Variants in SPAG17 observed in about 807,000 individuals in gnomAD.
The protein encoded by SPAG17 is sperm-associated antigen 17.
SPAG17 carries 169 observed loss-of-function variants against 273.6 expected under a neutral mutation model. The observed-to-expected ratio is 0.62, with a 90% CI of 0.55 to 0.70. The LOEUF is 0.70. Ranked by LOEUF, SPAG17 falls within the 30% of genes least tolerant of loss-of-function variation. The pLI, the probability that SPAG17 is intolerant of heterozygous loss-of-function variation, is 0.00. For synonymous variants in SPAG17, 825 were observed against 873.2 expected (o/e 0.94, Z 0.97); for missense variants, 2,557 against 2,627.8 (o/e 0.97, Z 0.59).
chr1:117,991,755 T>G (rs1227933121), intron 36 of SPAG17, among the ~76,000 whole-genome samples: 2 of 152,160 alleles, frequency 1.3e-5, no homozygotes, highest in Admixed American at 6.5e-5. Context: ...AGGATAGAAC[T>G]GCATGGGGGC....
At position 118,122,533 on chromosome 1, in the gene SPAG17, G is replaced by A. The variant is rs75225209; in HGVS notation, c.316-7092C>T. Among the ~76,000 whole-genome samples the A allele has an allele frequency of 1.2e-3, 181 of 152,240 alleles. 5 individuals carry two copies. In the East Asian group the frequency reaches 0.031, roughly 26 times the overall value. ...TGGCACTATTGACATTTTGAGCCAG[G>A]TAATTACCATAGGAGGTTTTTCTGT... is the stretch of plus-strand genomic sequence containing the variant. On this transcript the variant is annotated intron_variant, in intron 3 of 48. Coordinates refer to ENST00000336338, the MANE Select transcript of SPAG17 (RefSeq NM_206996.4).
intron 3 of SPAG17, among the ~76,000 whole-genome samples, chr1:118,140,694 A>G (rs772609559): frequency 2.6e-5 from 4 of 152,134 alleles, no homozygotes; most frequent in African/African-American, 9.7e-5. Context: ...GGATACCCCC[A>G]GTGGCCTCCT....
intron 32 of SPAG17, 117 bp from the exon 33 acceptor site, chr1:117,996,860 G>A (rs1169966770): frequency 4.7e-6 from 5 of 1,056,876 alleles, no homozygotes; most frequent in Non-Finnish European, 6.7e-6. Context: ...AATTGGAGAT[G>A]TTTATTTGCA....
At chr1:118,114,296 C>T (rs1429223429) in intron 4 of SPAG17, among the ~76,000 whole-genome samples, 2 of 152,098 alleles carry the variant, frequency 1.3e-5, no homozygotes, top group Non-Finnish European at 2.9e-5. Context: ...ATGTACCACA[C>T]TAATAACATG....
chr1:118,101,895 T>G lies in SPAG17; in HGVS notation c.479A>C (p.Asp160Ala). ...VIEDKPKLEK[D>A]KGKAKSPKEK... Reference sequence around the variant, plus strand: ...CTTGGGAGATTTTGCTTTCCCTTTATCCTTTTCTAACTTAGGTTTGTCTTC... The same window carrying G: ...CTTGGGAGATTTTGCTTTCCCTTTAGCCTTTTCTAACTTAGGTTTGTCTTC... The change falls in exon 5 of 49, where the codon GAT becomes GCT. Residue 160 changes from aspartate to alanine, a missense_variant. By Grantham distance (126) the Asp-to-Ala change is moderately radical (BLOSUM62 -2). Coordinates refer to ENST00000336338, the MANE Select transcript of SPAG17 (RefSeq NM_206996.4). 6.2e-7 allele frequency: 1 copy of G among 1,613,498 alleles called. No individual in the cohort carries two copies. The highest frequency in any genetic ancestry group is 8.5e-7 in the Non-Finnish European group (1 of 1,179,864).
intron 3 of SPAG17, among the ~76,000 whole-genome samples, chr1:118,116,959 C>T (rs1570722784): frequency 6.6e-6 from 1 of 152,150 alleles, no homozygotes. Context: ...CAGAACCTCA[C>T]CATTTAATGA....
intron 28 of SPAG17, among the ~76,000 whole-genome samples, chr1:118,019,653 A>G (rs1185561480): frequency 6.6e-6 from 1 of 152,216 alleles, no homozygotes; most frequent in Non-Finnish European, 1.5e-5. Flanking sequence ...TTGATAAATG[A>G]AAAGAAATCC....
intron 10 of SPAG17, chr1:118,087,216 A>G (rs1444416761): frequency 2.6e-6 from 1 of 389,034 alleles, no homozygotes; most frequent in African/African-American, 2.1e-5. Flanking sequence ...GTAGATATAA[A>G]TTTAATATTT....
At chr1:118,047,173 T>G (rs191626070) in intron 20 of SPAG17, among the ~76,000 whole-genome samples, 95 of 152,236 alleles carry the variant, frequency 6.2e-4, no homozygotes, top group African/African-American at 2.3e-3. Flanking sequence ...ATGCTGATCT[T>G]GTCTACACCT....
At chr1:118,161,947 G>A (rs1659947706) in intron 1 of SPAG17, among the ~76,000 whole-genome samples, 1 of 152,176 alleles carries the variant, frequency 6.6e-6, no homozygotes, top group Non-Finnish European at 1.5e-5. Flanking sequence ...CAATTAGAAG[G>A]TCACTGCTGA....
intron 4 of SPAG17, among the ~76,000 whole-genome samples, chr1:118,106,742 A>T (rs922037169): frequency 1.8e-4 from 28 of 152,254 alleles, no homozygotes; most frequent in African/African-American, 6.5e-4. Flanking sequence ...AAGAATAAAC[A>T]TTAATTCATT....
At chr1:118,181,559 A>G (rs1191679003) in intron 1 of SPAG17, among the ~76,000 whole-genome samples, 1 of 152,156 alleles carries the variant, frequency 6.6e-6, no homozygotes, top group Non-Finnish European at 1.5e-5. Flanking sequence ...CAAGAGACAA[A>G]GAATAAAGAC....
intron 31 of SPAG17, among the ~76,000 whole-genome samples, chr1:118,006,206 G>A (rs1378531763): frequency 2.6e-5 from 4 of 152,116 alleles, no homozygotes; most frequent in South Asian, 2.1e-4. Context: ...CACTAATTCC[G>A]TAACACTTTT....
Position 118,005,407 on chromosome 1 carries a change from A to G in SPAG17, c.4776+7T>C. On this transcript the variant is annotated splice_region_variant and intron_variant, in intron 32 of 48. Transcript: ENST00000336338. Reference sequence around the variant, plus strand: ...GGCTCTCTCTCCATACCAAAGGTGCACTTTACCTGAAAAGTGTTTCCCTCA... The same window carrying G: ...GGCTCTCTCTCCATACCAAAGGTGCGCTTTACCTGAAAAGTGTTTCCCTCA... 6.3e-7 allele frequency: 1 copy of G among 1,599,434 alleles called. No individual in the cohort carries two copies. Among genetic ancestry groups the G allele is most frequent in the Non-Finnish European group, 8.5e-7 (1 of 1,173,372 alleles).
At chr1:118,162,714 T>C (rs1490014779) in intron 1 of SPAG17, among the ~76,000 whole-genome samples, 1 of 151,704 alleles carries the variant, frequency 6.6e-6, no homozygotes, top group Non-Finnish European at 1.5e-5. Context: ...TTGAATAACA[T>C]GGAGCCCAAA....
intron 3 of SPAG17, among the ~76,000 whole-genome samples, chr1:118,119,501 C>T (rs1657292824): frequency 6.6e-6 from 1 of 152,172 alleles, no homozygotes; most frequent in African/African-American, 2.4e-5. Context: ...CTAAAAGAAT[C>T]CTTTGGCTTC....
chr1:118,174,297 A>G (rs1479274648), intron 1 of SPAG17, among the ~76,000 whole-genome samples: 1 of 152,208 alleles, frequency 6.6e-6, no homozygotes, highest in Non-Finnish European at 1.5e-5. Flanking sequence ...GGGACCAAAC[A>G]GAAATTCATG....
chr1:118,099,907 T>C lies in SPAG17; in HGVS notation c.635-107A>G, dbSNP rs759216472. On this transcript the variant is annotated intron_variant, in intron 5 of 48. Coordinates refer to ENST00000336338, the MANE Select transcript of SPAG17 (RefSeq NM_206996.4). ...ATTATGCATGCATTTATAATCCCTC[T>C]GGCTTGCCAAAAATGATCCAGTTGG... is the stretch of plus-strand genomic sequence containing the variant. The C allele has an allele frequency of 2.3e-3, 2,189 of 936,852 alleles. 7 individuals carry two copies. Among genetic ancestry groups the C allele is most frequent in the Non-Finnish European group, 2.9e-3 (1,839 of 644,202 alleles). 58.0% of individuals were successfully genotyped at this position (936,852 alleles called of 1,614,324 possible). A position where few individuals can be genotyped will look rare whatever the true frequency, so the allele number is the denominator to read the frequency against.
chr1:118,074,081 T>C (rs1274250069), intron 16 of SPAG17, 114 bp from the exon 17 acceptor site: 1 of 687,292 alleles, frequency 1.5e-6, no homozygotes, highest in Non-Finnish European at 2.4e-6. Context: ...GAAATCTGCA[T>C]ATGTATAAAT....
Sources: gnomAD v4.1 joint callset for allele counts (sites outside exome capture counted in the v4.1 genomes callset) on GRCh38, gnomAD v4.1.1 for gene constraint, MANE v1.5 for transcripts, NCBI Gene and HGNC (gene_info 2026-07-23, HGNC 2026-07-21) for gene names.